The following EML1 variants were observed in gnomAD, a reference collection of about 807,000 sequenced individuals.
EML1 encodes EMAP like 1.
Under a neutral mutation model 110.4 loss-of-function variants are expected in EML1, and 27 were observed. The observed-to-expected ratio is 0.24, with a 90% CI of 0.18 to 0.34. EML1 has a LOEUF of 0.34. EML1 is among the 10% of genes least tolerant of loss of function. The pLI is 1.00. For missense variants in EML1, 741 were observed against 1,030.9 expected, an observed-to-expected ratio of 0.72 and a Z score of 3.85; for synonymous variants, 344 against 385.8, an observed-to-expected ratio of 0.89 and a Z score of 1.27.
chr14:99,782,120 A>C (rs1472060013), intron 1 of EML1, among the ~76,000 whole-genome samples: 1 of 152,110 alleles, frequency 6.6e-6, no homozygotes, highest in Non-Finnish European at 1.5e-5. Context: ...GCTTGGGTAG[A>C]ATCTGCCCTT....
At chr14:99,860,279 A>G (rs2058981042) in intron 2 of EML1, among the ~76,000 whole-genome samples, 1 of 152,034 alleles carries the variant, frequency 6.6e-6, no homozygotes, top group African/African-American at 2.4e-5. Flanking sequence ...TTTTTTTTTA[A>G]AACAACCCTT....
intron 1 of EML1, among the ~76,000 whole-genome samples, chr14:99,830,980 G>A (rs144428562): frequency 9.1e-4 from 138 of 152,236 alleles, no homozygotes; most frequent in African/African-American, 3.3e-3. Flanking sequence ...TTAAAACTCA[G>A]CCACCAGTGT....
intron 16 of EML1, among the ~76,000 whole-genome samples, chr14:99,920,149 A>G (rs2060105738): frequency 6.6e-6 from 1 of 152,128 alleles, no homozygotes; most frequent in Non-Finnish European, 1.5e-5. Context: ...ATTCGACTTT[A>G]ATATTGAGCC....
At chr14:99,808,119 C>T (rs7150804) in intron 1 of EML1, among the ~76,000 whole-genome samples, 10 of 151,974 alleles carry the variant, frequency 6.6e-5, no homozygotes, top group African/African-American at 2.4e-4. Flanking sequence ...GATACATACC[C>T]CTCTGATCAC....
chr14:99,931,796 G>A (rs1246238099), intron 17 of EML1, among the ~76,000 whole-genome samples: 4 of 152,210 alleles, frequency 2.6e-5, no homozygotes, highest in South Asian at 4.1e-4. Flanking sequence ...ATTTATGGAT[G>A]AATGTAGGTA....
Position 99,909,370 on chromosome 14 carries a change from C to T in EML1, c.1130C>T (p.Ala377Val), listed in dbSNP as rs34198557. The change falls in exon 11 of 22, where the codon GCG becomes GTG. Residue 377 changes from alanine (A) to valine (V), a missense_variant. This residue lies in a region of EML1 where 388 missense variants were observed against 605.6 expected (regional missense o/e 0.64). Coordinates refer to ENST00000262233, the MANE Select transcript of EML1 (RefSeq NM_004434.3). ...TGCTCTAATGAAGCTGTGTTTGCTG[C>T]GGATTTCCACCCCACGGACACCAAC... Reference protein sequence around the residue: ...VKCSNEAVFAADFHPTDTNII... With the variant: ...VKCSNEAVFAVDFHPTDTNII... 0.19 allele frequency: 312,669 copies of T among 1,613,966 alleles called. 34,597 individuals carry two copies. Among genetic ancestry groups the T allele is most frequent in the East Asian group, 0.46 (20,775 of 44,856 alleles).
At chr14:99,800,578 G>T (rs1302829717) in intron 1 of EML1, among the ~76,000 whole-genome samples, 2 of 152,070 alleles carry the variant, frequency 1.3e-5, no homozygotes, top group East Asian at 3.9e-4. Flanking sequence ...TGCTCAGGCT[G>T]GTCTTGAACT....
At chr14:99,786,230 G>A (rs1369230956) in intron 1 of EML1, among the ~76,000 whole-genome samples, 2 of 152,128 alleles carry the variant, frequency 1.3e-5, no homozygotes, top group Non-Finnish European at 2.9e-5. Flanking sequence ...ATCTGGTTGG[G>A]TGGAATGGAC....
chr14:99,941,420 C>A lies in EML1; in HGVS notation c.*1308C>A, dbSNP rs1307447695. ...CTTTCAAAAACATTTTTGATGACATCACCAGCCTACTGCAGAAGTGCAGGG... is the reference window on the plus strand; with the variant it reads ...CTTTCAAAAACATTTTTGATGACATAACCAGCCTACTGCAGAAGTGCAGGG... On this transcript the variant is annotated 3_prime_UTR_variant, in exon 22 of 22. Coordinates refer to ENST00000262233, the MANE Select transcript of EML1 (RefSeq NM_004434.3). The A allele has an allele frequency of 6.6e-6, 1 of 152,190 alleles. No individual in the cohort carries two copies. The highest frequency in any genetic ancestry group is 1.5e-5 in the Non-Finnish European group (1 of 68,032). 9.4% of individuals were successfully genotyped at this position (152,190 alleles called of 1,614,324 possible).
At position 99,939,107 on chromosome 14, in the gene EML1, T is replaced by C. The variant is rs2060527898; in HGVS notation, c.2192-90T>C. ...TAAAGCTGGACTTCAGGCAGTTTCA[T>C]GTTCAGGACCGTTCAGTGGGCGCTT... On this transcript the variant is annotated intron_variant, in intron 20 of 21. Transcript: ENST00000262233. This position sits in a 1 kb window ranked among gnomAD's most constrained non-coding sequence, Gnocchi z 4.2. 8 of 1,521,910 alleles carry C rather than the reference T, an allele frequency of 5.3e-6. 1 individual carries two copies. The African/African-American group carries it at 7.0e-5, about 13-fold the overall frequency. 94.3% of individuals were successfully genotyped at this position (1,521,910 alleles called of 1,614,324 possible).
chr14:99,891,780 C>A (rs2059591413), intron 5 of EML1, among the ~76,000 whole-genome samples: 1 of 152,120 alleles, frequency 6.6e-6, no homozygotes, highest in African/African-American at 2.4e-5. Context: ...TTTAGAAATG[C>A]ATTTAAAATG....
chr14:99,836,486 C>T (rs1017536994), intron 1 of EML1, among the ~76,000 whole-genome samples: 2 of 152,138 alleles, frequency 1.3e-5, no homozygotes, highest in Non-Finnish European at 2.9e-5. Flanking sequence ...CCTTCCCAGT[C>T]TGTATACCTT....
chr14:99,918,182 C>T (rs2060066531), intron 16 of EML1, among the ~76,000 whole-genome samples: 1 of 152,234 alleles, frequency 6.6e-6, no homozygotes, highest in South Asian at 2.1e-4. Flanking sequence ...CAGCTTACTG[C>T]AGCCTCCAGG....
At chr14:99,889,301 C>A (rs1388359893) in intron 4 of EML1, among the ~76,000 whole-genome samples, 1 of 152,174 alleles carries the variant, frequency 6.6e-6, no homozygotes, top group Non-Finnish European at 1.5e-5. Context: ...CACCACCACC[C>A]ACCAGGCACA....
chr14:99,792,260 T>C (rs537028290), upstream of EML1, among the ~76,000 whole-genome samples: 47 of 152,200 alleles, frequency 3.1e-4, no homozygotes, highest in Non-Finnish European at 6.0e-4. Flanking sequence ...TTTCACCTAC[T>C]CTATTCAACC....
chr14:99,874,918 C>T (rs1394800014), intron 3 of EML1: 1 of 1,604,880 alleles, frequency 6.2e-7, no homozygotes, highest in South Asian at 1.1e-5. Context: ...ATTTCTGTGC[C>T]TCTTATATGT....
intron 1 of EML1, among the ~76,000 whole-genome samples, chr14:99,764,217 C>G (rs117648253): frequency 1.3e-5 from 2 of 152,220 alleles, no homozygotes; most frequent in African/African-American, 4.8e-5. Flanking sequence ...CTGTTCTCCT[C>G]CTGCCTCCTC....
intron 3 of EML1, among the ~76,000 whole-genome samples, chr14:99,871,692 G>A (rs553302771): frequency 5.3e-5 from 8 of 152,270 alleles, no homozygotes; most frequent in South Asian, 2.1e-4. Flanking sequence ...ACTAGAATTC[G>A]AAATGCAGCC....
At chr14:99,742,115 G>C (rs2140160502) in intron 1 of EML1, among the ~76,000 whole-genome samples, 1 of 152,240 alleles carries the variant, frequency 6.6e-6, no homozygotes, top group East Asian at 1.9e-4. Flanking sequence ...CTGACATCAA[G>C]TACCCCCCAC....
Sources: gnomAD v4.1 joint callset for allele counts (sites outside exome capture counted in the v4.1 genomes callset) on GRCh38, gnomAD v4.1.1 for gene constraint, gnomAD v4.1.1 regional missense constraint, Gnocchi (gnomAD v3.1) non-coding constraint, MANE v1.5 for transcripts, NCBI Gene and HGNC (gene_info 2026-07-23, HGNC 2026-07-21) for gene names.